The following NACAD variants were observed in gnomAD, a reference collection of about 807,000 sequenced individuals.
NACAD encodes the protein NAC alpha domain containing, also known as NAC-alpha domain-containing protein 1.
A neutral mutation model predicts 98.9 loss-of-function variants in NACAD; 47 were observed. The ratio of observed to expected loss-of-function variants is 0.48; its 90% CI spans 0.38 to 0.61. The LOEUF (loss-of-function observed/expected upper bound fraction) is 0.61. NACAD is among the 20% of genes least tolerant of loss of function. The pLI, the probability that NACAD is intolerant of heterozygous loss-of-function variation, is 0.00. For synonymous variants in NACAD, 696 were observed against 767.2 expected (o/e 0.91, Z 1.53); for missense variants, 1,412 against 1,748.2 (o/e 0.81, Z 3.43).
In NACAD at chr7:45,088,775, C is replaced by T. The variant is rs1413072914; in HGVS notation, c.67+53G>A. On this transcript the variant is annotated intron_variant, in intron 1 of 7. Coordinates refer to ENST00000490531, the MANE Select transcript of NACAD (RefSeq NM_001146334.2). The surrounding 1 kb of genome is among the most constrained non-coding windows in gnomAD (Gnocchi z 5.7). ...AAAGGTGAGCGATGGAAAGAGAACCCGGGCTGGAGAGGGGAGAGGCTGAAG... is the reference window on the plus strand; with the variant it reads ...AAAGGTGAGCGATGGAAAGAGAACCTGGGCTGGAGAGGGGAGAGGCTGAAG... The T allele has an allele frequency of 1.8e-5, 26 of 1,410,428 alleles. No individual in the cohort carries two copies. Among genetic ancestry groups the T allele is most frequent in the Non-Finnish European group, 2.2e-5 (24 of 1,071,916 alleles). 87.4% of individuals were successfully genotyped at this position (1,410,428 alleles called of 1,614,324 possible).
chr7:45,086,022 G>A lies in NACAD; in HGVS notation c.158C>T (p.Ala53Val), dbSNP rs1244105713. The change falls in exon 2 of 8, where the codon GCC becomes GTC. Residue 53 changes from alanine to valine, a missense_variant. This residue lies in a region of NACAD where 638 missense variants were observed against 722.7 expected (regional missense o/e 0.88). Coordinates refer to ENST00000490531, the MANE Select transcript of NACAD (RefSeq NM_001146334.2). ...CGGCTTGCTGGGCAGGAACGTGAGG[G>A]CCAGGTGGCTGGGCCCTGGGGTCAG... ...CALTPGPSHLALTFLPSKPGA... is the reference protein window; with the variant it reads ...CALTPGPSHLVLTFLPSKPGA... 6.5e-7 allele frequency: 1 copy of A among 1,536,070 alleles called. No homozygotes were observed. Among genetic ancestry groups the A allele is most frequent in the African/African-American group, 1.4e-5 (1 of 73,124 alleles).
rs62457078 is a variant in NACAD at position 45,088,801 on chromosome 7, G to A, written c.67+27C>T. On this transcript the variant is annotated intron_variant, in intron 1 of 7. Transcript: ENST00000490531. This position sits in a 1 kb window ranked among gnomAD's most constrained non-coding sequence, Gnocchi z 5.7. ...GGGCTGGAGAGGGGAGAGGCTGAAG[G>A]CAGGGAAAGAGTGGCCACGGCCTCA... The A allele has an allele frequency of 6.8e-7, 1 of 1,475,410 alleles. No homozygotes were observed. The highest frequency in any genetic ancestry group is 2.8e-5 in the East Asian group (1 of 35,510). The allele number at this position is 1,475,410 out of a possible 1,614,324, so 91.4% of individuals were successfully genotyped here. A position where few individuals can be genotyped will look rare whatever the true frequency, so the allele number is the denominator to read the frequency against.
rs1178906823 is a variant in NACAD at position 45,085,683 on chromosome 7, G to C, written c.497C>G (p.Pro166Arg). The change falls in exon 2 of 8, where the codon CCT becomes CGT. Residue 166 changes from proline to arginine, a missense_variant. Physicochemically the swap from Pro to Arg is moderately radical, Grantham distance 103. Coordinates refer to ENST00000490531, the MANE Select transcript of NACAD (RefSeq NM_001146334.2). This position sits in a 1 kb window ranked among gnomAD's most constrained non-coding sequence, Gnocchi z 6.1. ...GAAGAAGGAATCAGGGTCTGGGGGA[G>C]GGGAAGGCACAGAAAGATCACCCTG... Reference protein sequence around the residue: ...CSQGDLSVPSPPPDPDSFFTP... With the variant: ...CSQGDLSVPSRPPDPDSFFTP... The C allele has an allele frequency of 1.3e-6, 2 of 1,549,662 alleles. No homozygotes were observed. The highest frequency in any genetic ancestry group is 2.4e-5 in the South Asian group (2 of 83,914).
Position 45,086,101 on chromosome 7 carries a change from C to A in NACAD, c.79G>T (p.Asp27Tyr). 6.5e-7 allele frequency: 1 copy of A among 1,535,806 alleles called. No homozygotes were observed. The highest frequency in any genetic ancestry group is 8.7e-7 in the Non-Finnish European group (1 of 1,146,808). Residue 27 changes from aspartate to tyrosine, a missense_variant, in exon 2 of 8, where the codon GAT (aspartate) becomes TAT (tyrosine). Transcript: ENST00000490531. Reference protein sequence around the residue: ...RPGPRTDLSCDAAAATTILGG... With the variant: ...RPGPRTDLSCYAAAATTILGG... ...AGGATGGTGGTGGCAGCGGCCGCAT[C>A]GCAGGACAGATCTGTGGAGATAGAG...
In NACAD at chr7:45,082,301, A is replaced by G; in HGVS notation, c.3879T>C (p.Thr1293=). ...GAGGCGAGAGGCTGACTCGCGGCCC[A>G]GTCCCCAGAGGCTGTGTGGTTCCTG... ...AVSGTTQPLG[T]GPRVSLSPHS... The change falls in exon 2 of 8, where the codon ACT becomes ACC. Residue 1293 remains threonine (T), a synonymous_variant. Transcript: ENST00000490531. This position sits in a 1 kb window ranked among gnomAD's most constrained non-coding sequence, Gnocchi z 4.5. The G allele has an allele frequency of 6.4e-7, 1 of 1,550,610 alleles. No individual in the cohort carries two copies. The highest frequency in any genetic ancestry group is 1.2e-5 in the South Asian group (1 of 84,058).
Position 45,081,674 on chromosome 7 carries a change from T to A in NACAD, c.4186-2A>T, listed in dbSNP as rs1784431841. The A allele has an allele frequency of 1.3e-6, 2 of 1,551,012 alleles. No individual in the cohort carries two copies. The highest frequency in any genetic ancestry group is 1.4e-5 in the African/African-American group (1 of 73,026). On this transcript the variant is annotated splice_acceptor_variant, in intron 3 of 7. Transcript: ENST00000490531. LOFTEE classifies it high-confidence loss of function. ...CTCCTCACTGCCGCCTGCTGGGGCCTGAGAAAAGGTGAGGGCTGAGCATCC... is the reference window on the plus strand; with the variant it reads ...CTCCTCACTGCCGCCTGCTGGGGCCAGAGAAAAGGTGAGGGCTGAGCATCC...
rs373760509 is a variant in NACAD, at chr7:45,081,025, G to A, written c.4405-3C>T. 3.9e-4 allele frequency: 601 copies of A among 1,551,504 alleles called. 6 individuals carry two copies. In the South Asian group the frequency reaches 6.9e-3, roughly 18 times the overall value. On this transcript the variant is annotated splice_region_variant and splice_polypyrimidine_tract_variant and intron_variant, in intron 5 of 7. Coordinates refer to ENST00000490531, the MANE Select transcript of NACAD (RefSeq NM_001146334.2). Reference sequence around the variant, plus strand: ...ACTTGCTGGGACAGGTCCTCAATCTGCAAAATGGAAGACAGCTGTGTCAGT... The same window carrying A: ...ACTTGCTGGGACAGGTCCTCAATCTACAAAATGGAAGACAGCTGTGTCAGT...
In NACAD at chr7:45,080,907, C is replaced by T; in HGVS notation, c.4520G>A (p.Cys1507Tyr). 1 of 1,557,064 alleles carries T rather than the reference C, an allele frequency of 6.4e-7. No homozygotes were observed. The highest frequency in any genetic ancestry group is 8.7e-7 in the Non-Finnish European group (1 of 1,150,318). The change falls in exon 6 of 8, where the codon TGC becomes TAC. Residue 1507 changes from cysteine (C) to tyrosine (Y), a missense_variant. This residue lies in a region of NACAD where 88 missense variants were observed against 105.4 expected (regional missense o/e 0.84). Coordinates refer to ENST00000490531, the MANE Select transcript of NACAD (RefSeq NM_001146334.2). ...SAPRPRVRLE[C>Y]KEEEEEEEEE... ...CTCCTCCTCCTCTTCCTCTTCCTTG[C>T]ACTCCAGCCTCACCCGGGGCCTGGG... is the stretch of plus-strand genomic sequence containing the variant.
chr7:45,084,559 C>T lies in NACAD; in HGVS notation c.1621G>A (p.Val541Ile), dbSNP rs1784481274. 6.4e-7 allele frequency: 1 copy of T among 1,552,130 alleles called. No homozygotes were observed. The highest frequency in any genetic ancestry group is 8.7e-7 in the Non-Finnish European group (1 of 1,147,102). ...GISEILGQES[V>I]TAEKLPTPQE... ...GGAGTTGGAAGTTTTTCTGCAGTGA[C>T]AGACTCTTGGCCTAAGATCTCGCTG... The change falls in exon 2 of 8, where the codon GTC (valine) becomes ATC (isoleucine). Residue 541 changes from valine (V) to isoleucine (I), a missense_variant. Val to Ile is a conservative substitution (Grantham distance 29). Coordinates refer to ENST00000490531, the MANE Select transcript of NACAD (RefSeq NM_001146334.2).
Position 45,082,452 on chromosome 7 carries a change from A to G in NACAD, c.3728T>C (p.Leu1243Pro), listed in dbSNP as rs1265309406. Residue 1243 changes from leucine (L) to proline (P), a missense_variant, in exon 2 of 8, where the codon CTG (leucine) becomes CCG (proline). Transcript: ENST00000490531. This position sits in a 1 kb window ranked among gnomAD's most constrained non-coding sequence, Gnocchi z 4.5. ...GTLAGAALPP[L>P]EPPAPCLCQD... ...GCACAGGCAGGGGGCTGGGGGCTCC[A>G]GTGGGGGTAGGGCTGCCCCAGCAAG... 1 of 1,548,606 alleles carries G rather than the reference A, an allele frequency of 6.5e-7. No homozygotes were observed. Among genetic ancestry groups the G allele is most frequent in the Non-Finnish European group, 8.7e-7 (1 of 1,146,544 alleles).
rs1470140030 is a variant in NACAD at position 45,084,587 on chromosome 7, G to A, written c.1593C>T (p.Gly531=). 2 of 1,551,938 alleles carry A rather than the reference G, an allele frequency of 1.3e-6. No individual in the cohort carries two copies. The highest frequency in any genetic ancestry group is 1.2e-5 in the South Asian group (1 of 84,052). The change falls in exon 2 of 8, where the codon GGC becomes GGT. Residue 531 remains glycine (G), a synonymous_variant. Coordinates refer to ENST00000490531, the MANE Select transcript of NACAD (RefSeq NM_001146334.2). ...AMAMPQPSQE[G]ISEILGQESV... is the part of the protein sequence containing the mutation. ...ACTCTTGGCCTAAGATCTCGCTGAT[G>A]CCCTCCTGGGAGGGCTGAGGCATTG...
chr7:45,084,495 GGA>G lies in NACAD; in HGVS notation c.1683_1684del (p.Pro562SerfsTer29). On this transcript the variant is annotated frameshift_variant, in exon 2 of 8. Coordinates refer to ENST00000490531, the MANE Select transcript of NACAD (RefSeq NM_001146334.2). LOFTEE classifies it high-confidence loss of function. ...CCCTCCTTCTTCCTTCAAGTTCTGA[GGA>G]GAGTCTGGACACAATGTGAGGCTTG... The G allele has an allele frequency of 6.4e-7, 1 of 1,552,276 alleles. No homozygotes were observed. Among genetic ancestry groups the G allele is most frequent in the Non-Finnish European group, 8.7e-7 (1 of 1,147,120 alleles).
Position 45,083,633 on chromosome 7 carries a change from T to C in NACAD, c.2547A>G (p.Gln849=). ...TTGGGGCTGACGAGAGATCTGTGTCTTGTAGGGGCAGAGGCGGTGTCATAG... is the reference window on the plus strand; with the variant it reads ...TTGGGGCTGACGAGAGATCTGTGTCCTGTAGGGGCAGAGGCGGTGTCATAG... The part of the protein sequence containing the change: ...DSAMTPPLPL[Q]DTDLSSAPKP... Residue 849 remains glutamine (Q), a synonymous_variant, in exon 2 of 8, where the codon CAA becomes CAG. Coordinates refer to ENST00000490531, the MANE Select transcript of NACAD (RefSeq NM_001146334.2). 2.7e-6 allele frequency: 1 copy of C among 366,070 alleles called. No homozygotes were observed. Among genetic ancestry groups the C allele is most frequent in the Non-Finnish European group, 4.5e-6 (1 of 220,448 alleles). The allele number at this position is 366,070 out of a possible 1,614,324, so 22.7% of individuals were successfully genotyped here.
At chr7:45,086,614 G>T (rs1044540461) in intron 1 of NACAD, among the ~76,000 whole-genome samples, 1 of 152,218 alleles carries the variant, frequency 6.6e-6, no homozygotes, top group Non-Finnish European at 1.5e-5. Context: ...TTCATGCCTC[G>T]CTCTGCCTCC....
rs1584008428 is a variant in NACAD, at chr7:45,081,625, A to G, written c.4233T>C (p.Ser1411=). 1 of 1,550,510 alleles carries G rather than the reference A, an allele frequency of 6.4e-7. No individual in the cohort carries two copies. Among genetic ancestry groups the G allele is most frequent in the South Asian group, 1.2e-5 (1 of 84,026 alleles). The change falls in exon 4 of 8, where the codon AGT becomes AGC. Residue 1411 remains serine (S), a synonymous_variant. Coordinates refer to ENST00000490531, the MANE Select transcript of NACAD (RefSeq NM_001146334.2). ...CCTTTCGGGCCTTCTTCTCACTGCG[A>G]CTCTGCTTGGCTTTGGCGATGGTCT... ...SEETIAKAKQ[S]RSEKKARKAM...
Position 45,085,379 on chromosome 7 carries a change from T to G in NACAD, c.801A>C (p.Pro267=). Residue 267 remains proline, a synonymous_variant, in exon 2 of 8, where the codon CCA becomes CCC. Coordinates refer to ENST00000490531, the MANE Select transcript of NACAD (RefSeq NM_001146334.2). This position sits in a 1 kb window ranked among gnomAD's most constrained non-coding sequence, Gnocchi z 6.1. ...GSMVDERELH[P]AGTPEPPSSE... is the part of the protein sequence containing the mutation. ...AGGACGGGGGCTCTGGGGTCCCTGC[T>G]GGGTGCAGCTCTCGTTCATCCACCA... 6.5e-7 allele frequency: 1 copy of G among 1,548,866 alleles called. No homozygotes were observed. Among genetic ancestry groups the G allele is most frequent in the Non-Finnish European group, 8.7e-7 (1 of 1,145,882 alleles).
intron 1 of NACAD, among the ~76,000 whole-genome samples, chr7:45,086,911 G>A (rs938881802): frequency 2.0e-5 from 3 of 152,226 alleles, no homozygotes; most frequent in Admixed American, 6.5e-5. Context: ...CTCCTTGGTG[G>A]CAGCCACCCC....
chr7:45,080,782 G>C lies in NACAD; in HGVS notation c.4552-20C>G, dbSNP rs973899686. 1 of 1,550,384 alleles carries C rather than the reference G, an allele frequency of 6.5e-7. No homozygotes were observed. Among genetic ancestry groups the C allele is most frequent in the Admixed American group, 2.0e-5 (1 of 51,004 alleles). On this transcript the variant is annotated intron_variant, in intron 6 of 7. Coordinates refer to ENST00000490531, the MANE Select transcript of NACAD (RefSeq NM_001146334.2). ...GTCCACCTGGAGTTGGGGGAGCAGG[G>C]AAGTGGCTGGAGCTGCTTGAGGTCC...
rs1350068513 is a variant in NACAD at position 45,082,388 on chromosome 7, G to T, written c.3792C>A (p.Pro1264=). 1 of 1,549,878 alleles carries T rather than the reference G, an allele frequency of 6.5e-7. No individual in the cohort carries two copies. Among genetic ancestry groups the T allele is most frequent in the Admixed American group, 2.0e-5 (1 of 50,956 alleles). Residue 1264 remains proline (P), a synonymous_variant, in exon 2 of 8, where the codon CCC becomes CCA. Coordinates refer to ENST00000490531, the MANE Select transcript of NACAD (RefSeq NM_001146334.2). This position sits in a 1 kb window ranked among gnomAD's most constrained non-coding sequence, Gnocchi z 4.5. ...GCGGTGGGAGGCCCAGAGAGCCTGG[G>T]GGCTCCTCGTCTTCCACAGAGTCTT... ...PQEDSVEDEE[P]PGSLGLPPPQ...
Sources: allele counts gnomAD v4.1 joint callset (sites outside exome capture counted in the v4.1 genomes callset), GRCh38; gene constraint gnomAD v4.1.1; regional missense constraint gnomAD v4.1.1; non-coding constraint Gnocchi (gnomAD v3.1); transcripts MANE v1.5; gene names NCBI Gene and HGNC (gene_info 2026-07-23, HGNC 2026-07-21).